Variants in CCDC13 observed in about 807,000 individuals in gnomAD.
CCDC13 encodes the protein coiled-coil domain containing 13.
Under a neutral mutation model 87.3 loss-of-function variants are expected in CCDC13, and 70 were observed. The ratio of observed to expected loss-of-function variants is 0.80; its 90% CI spans 0.66 to 0.98. The LOEUF (loss-of-function observed/expected upper bound fraction) is 0.98. Ranked by LOEUF, CCDC13 falls within the 50% of genes least tolerant of loss-of-function variation. The pLI, the probability that CCDC13 is intolerant of heterozygous loss-of-function variation, is 0.00. For synonymous variants in CCDC13, 317 were observed against 360.3 expected, an observed-to-expected ratio of 0.88 and a Z score of 1.36; for missense variants, 842 against 892.0, an observed-to-expected ratio of 0.94 and a Z score of 0.71.
Position 42,707,622 on chromosome 3 carries a change from C to A in CCDC13, c.*1358G>T, listed in dbSNP as rs114325577. ...GAAGGGGGTGTTTTCACAGTATGTGCACCTGCATTTGTGCATCACTGCACA... is the reference window on the plus strand; with the variant it reads ...GAAGGGGGTGTTTTCACAGTATGTGAACCTGCATTTGTGCATCACTGCACA... On this transcript the variant is annotated 3_prime_UTR_variant, in exon 16 of 16. Transcript: ENST00000310232. Among the ~76,000 whole-genome samples the A allele has an allele frequency of 0.02, 3,113 of 152,342 alleles. 93 individuals are homozygous for A. The highest frequency in any genetic ancestry group is 0.071 in the African/African-American group (2,951 of 41,578).
chr3:42,748,724 C>T (rs1220248463), intron 5 of CCDC13, among the ~76,000 whole-genome samples: 1 of 152,204 alleles, frequency 6.6e-6, no homozygotes, highest in Non-Finnish European at 1.5e-5. Context: ...TATACAAATA[C>T]TTTCCTGCTC....
At chr3:42,750,781 T>C (rs1336785931) in intron 5 of CCDC13, among the ~76,000 whole-genome samples, 4 of 152,234 alleles carry the variant, frequency 2.6e-5, no homozygotes, top group Non-Finnish European at 4.4e-5. Context: ...GCTCTATTTT[T>C]GATTCTCTGT....
rs748253159 is a variant in CCDC13, at chr3:42,743,087, A to G, written c.826-30T>C. On this transcript the variant is annotated intron_variant, in intron 7 of 15. Coordinates refer to ENST00000310232, the MANE Select transcript of CCDC13 (RefSeq NM_144719.4). ...GGATGGTAAAACTCGTCGTTCCACA[A>G]TGGGTCTTCTGCCAGCCTCTTCTAC... 1.4e-5 allele frequency: 23 copies of G among 1,612,118 alleles called. No individual in the cohort carries two copies. In the African/African-American group the frequency reaches 1.7e-4, roughly 12 times the overall value.
intron 1 of CCDC13, among the ~76,000 whole-genome samples, chr3:42,772,699 T>C (rs1454917512): frequency 6.6e-6 from 1 of 152,152 alleles, no homozygotes; most frequent in East Asian, 1.9e-4. Flanking sequence ...TTCTCAGGGC[T>C]GGACTCCGGG....
In CCDC13 at chr3:42,735,804, C is replaced by T. The variant is rs764380663; in HGVS notation, c.1274G>A (p.Arg425Gln). Residue 425 changes from arginine (R) to glutamine (Q), a missense_variant, in exon 10 of 16, where the codon CGG becomes CAG. Transcript: ENST00000310232. ...LDQQLNSEAQ[R>Q]SNSLVAQLQA... is the part of the protein sequence containing the mutation. ...CAGCTGGGCGACTAGGCTGTTGCTC[C>T]GCTGAGCCTCGCTGTTCAGTTGCTG... The T allele has an allele frequency of 5.0e-6, 8 of 1,614,124 alleles. No individual in the cohort carries two copies. The highest frequency in any genetic ancestry group is 3.3e-5 in the South Asian group (3 of 91,092).
In CCDC13 at chr3:42,766,309, A is replaced by C. The variant is rs115618493; in HGVS notation, c.-7+6867T>G. On this transcript the variant is annotated intron_variant, in intron 1 of 15. Coordinates refer to ENST00000310232, the MANE Select transcript of CCDC13 (RefSeq NM_144719.4). ...CTGGAGCCTCAGGTAGTTGAGACCTAGAGTATGAACAAAGCAGCATGAGGA... is the reference window on the plus strand; with the variant it reads ...CTGGAGCCTCAGGTAGTTGAGACCTCGAGTATGAACAAAGCAGCATGAGGA... Among the ~76,000 whole-genome samples the C allele has an allele frequency of 4.7e-3, 721 of 152,158 alleles. 7 individuals carry two copies. Among genetic ancestry groups the C allele is most frequent in the African/African-American group, 0.016 (679 of 41,484 alleles).
rs376795920 is a variant in CCDC13 at position 42,735,760 on chromosome 3, G to A, written c.1318C>T (p.Arg440Trp). ...VAQLQAMVAE[R>W]EAKVRQLEME... is the part of the protein sequence containing the mutation. ...TCCAGCTGTCGCACTTTGGCCTCCC[G>A]CTCAGCTACCATGGCCTGCAGCTGG... is the stretch of plus-strand genomic sequence containing the variant. Residue 440 changes from arginine to tryptophan, a missense_variant, in exon 10 of 16, where the codon CGG (arginine) becomes TGG (tryptophan). Arg to Trp is a moderately radical substitution (Grantham distance 101). Transcript: ENST00000310232. 53 of 1,614,082 alleles carry A rather than the reference G, an allele frequency of 3.3e-5. No individual in the cohort carries two copies. Among genetic ancestry groups the A allele is most frequent in the Non-Finnish European group, 4.2e-5 (50 of 1,180,048 alleles).
chr3:42,743,568 C>T (rs1214106219), intron 7 of CCDC13, among the ~76,000 whole-genome samples: 2 of 99,732 alleles, frequency 2.0e-5, no homozygotes, highest in Non-Finnish European at 3.9e-5. Flanking sequence ...CAGGCACAGG[C>T]AACTGTGCCT....
intron 1 of CCDC13, among the ~76,000 whole-genome samples, chr3:42,761,374 T>A (rs1699829145): frequency 6.6e-6 from 1 of 152,166 alleles, no homozygotes; most frequent in Non-Finnish European, 1.5e-5. Flanking sequence ...TCTCCTCATA[T>A]CCTATTGTAG....
rs1057189888 is a variant in CCDC13, at chr3:42,708,785, C to T, written c.*195G>A. 4 of 537,358 alleles carry T rather than the reference C, an allele frequency of 7.4e-6. No individual in the cohort carries two copies. Among genetic ancestry groups the T allele is most frequent in the Non-Finnish European group, 1.3e-5 (4 of 319,696 alleles). The allele number at this position is 537,358 out of a possible 1,614,324, so 33.3% of individuals were successfully genotyped here. ...CCAGCCCAGGGTCTCCTGCAGTGTC[C>T]CACCAGGGCTTCTCTTCTGCCTTCC... On this transcript the variant is annotated 3_prime_UTR_variant, in exon 16 of 16. Coordinates refer to ENST00000310232, the MANE Select transcript of CCDC13 (RefSeq NM_144719.4).
intron 3 of CCDC13, 92 bp downstream of exon 3, chr3:42,756,974 T>C: frequency 7.8e-7 from 1 of 1,285,396 alleles, no homozygotes; most frequent in Non-Finnish European, 1.1e-6. Context: ...CTTGGCACTC[T>C]CTTGGGAATC....
chr3:42,769,911 G>A (rs1700023363), intron 1 of CCDC13, among the ~76,000 whole-genome samples: 2 of 152,264 alleles, frequency 1.3e-5, no homozygotes, highest in African/African-American at 4.8e-5. Flanking sequence ...CCGCAGGGCA[G>A]GGCTGGGGAC....
At chr3:42,710,602 G>A (rs1404712814) in intron 14 of CCDC13, among the ~76,000 whole-genome samples, 1 of 152,210 alleles carries the variant, frequency 6.6e-6, no homozygotes, top group African/African-American at 2.4e-5. Flanking sequence ...GAGGCCAAGT[G>A]GGGGCAGATT....
chr3:42,770,182 C>CTCAAGGTTTGT (rs1700035166), intron 1 of CCDC13, among the ~76,000 whole-genome samples: 1 of 152,248 alleles, frequency 6.6e-6, no homozygotes, highest in South Asian at 2.1e-4. Context: ...ATTGTGAGTG[C>CTCAAGGTTTGT]ACCAATCAGC....
chr3:42,758,272 C>A lies in CCDC13; in HGVS notation c.74G>T (p.Arg25Leu). 1 of 1,613,672 alleles carries A rather than the reference C, an allele frequency of 6.2e-7. No individual in the cohort carries two copies. The highest frequency in any genetic ancestry group is 1.3e-5 in the African/African-American group (1 of 75,010). Residue 25 changes from arginine to leucine, a missense_variant, in exon 2 of 16, where the codon CGG becomes CTG. Arg to Leu is a moderately radical substitution (Grantham distance 102, BLOSUM62 -2). Coordinates refer to ENST00000310232, the MANE Select transcript of CCDC13 (RefSeq NM_144719.4). The stretch of plus-strand genomic sequence containing the variant: ...CTTTTTCTCCATCTGCTTCTGTAAC[C>A]GTTTGTGCTGCATCTCCTGCATTGC... ...FKAMQEMQHKRLQKQMEKKRE... is the reference protein window; with the variant it reads ...FKAMQEMQHKLLQKQMEKKRE...
intron 8 of CCDC13, among the ~76,000 whole-genome samples, chr3:42,740,019 C>T (rs1262403734): frequency 6.6e-6 from 1 of 152,158 alleles, no homozygotes; most frequent in Non-Finnish European, 1.5e-5. Context: ...CACCCTTCCC[C>T]TAGCACATGA....
At chr3:42,712,474 T>C (rs7639170) in intron 14 of CCDC13, among the ~76,000 whole-genome samples, 76,131 of 152,114 alleles carry the variant, frequency 0.5, 19,363 homozygotes, top group African/African-American at 0.6. Flanking sequence ...AGCGATAGAC[T>C]TTTCAGTTAA....
At chr3:42,733,698 T>G in intron 10 of CCDC13, 89 bp from the exon 11 acceptor site, 1 of 1,473,434 alleles carries the variant, frequency 6.8e-7, no homozygotes, top group Non-Finnish European at 9.0e-7. Context: ...ATTTCGGGGC[T>G]TTCAGAGGAT....
At chr3:42,726,681 T>C (rs2045413165) in intron 13 of CCDC13, among the ~76,000 whole-genome samples, 1 of 151,934 alleles carries the variant, frequency 6.6e-6, no homozygotes, top group Admixed American at 6.6e-5. Flanking sequence ...ATGTATACTT[T>C]ACATATACAT....
Sources: allele counts gnomAD v4.1 joint callset (sites outside exome capture counted in the v4.1 genomes callset), GRCh38; gene constraint gnomAD v4.1.1; transcripts MANE v1.5; gene names NCBI Gene and HGNC (gene_info 2026-07-23, HGNC 2026-07-21).